Variants in RGS6 observed in about 807,000 individuals in gnomAD.
The protein encoded by RGS6 is regulator of G-protein signaling 6.
In RGS6, 30 loss-of-function variants were observed where a neutral mutation model predicts 78.5. The ratio of observed to expected loss-of-function variants is 0.38; its 90% confidence interval spans 0.29 to 0.52. RGS6 has a LOEUF of 0.52. Among genes scored for constraint, RGS6 ranks in the 20% least tolerant of loss-of-function variants. The pLI is 0.85. For missense variants in RGS6, 495 were observed against 609.7 expected (o/e 0.81, Z 1.98); for synonymous variants, 206 against 206.0 (o/e 1.00, Z 0.00).
chr14:71,886,255 T>C, the RGS6 span, among the ~76,000 whole-genome samples: 6 of 152,220 alleles, frequency 3.9e-5, no homozygotes, highest in Admixed American at 3.3e-4. Flanking sequence ...ATCACACTTA[T>C]CACTGTCTGA....
intron 3 of RGS6, among the ~76,000 whole-genome samples, chr14:72,427,720 TG>T (rs2094485072): frequency 6.6e-6 from 1 of 152,194 alleles, no homozygotes; most frequent in South Asian, 2.1e-4. Flanking sequence ...CCATTATCCT[TG>T]GTGACACCAT....
the RGS6 span, among the ~76,000 whole-genome samples, chr14:71,921,263 A>G: frequency 6.6e-6 from 1 of 152,242 alleles, no homozygotes; most frequent in Non-Finnish European, 1.5e-5. Flanking sequence ...AATGTAAATT[A>G]GTAAAGCCAT....
At chr14:72,550,512 A>G in intron 17 of RGS6, 2 of 1,535,716 alleles carry the variant, frequency 1.3e-6, no homozygotes, top group Admixed American at 2.0e-5. Context: ...ATAGCACATT[A>G]CACTGGGAAA....
At chr14:72,016,870 A>G (rs2087121486) in intron 2 of RGS6, among the ~76,000 whole-genome samples, 1 of 152,248 alleles carries the variant, frequency 6.6e-6, no homozygotes, top group Admixed American at 6.5e-5. Context: ...GATGGTTTAC[A>G]GATAAATCGT....
chr14:71,911,963 A>G, the RGS6 span, among the ~76,000 whole-genome samples: 1 of 152,364 alleles, frequency 6.6e-6, no homozygotes, highest in Non-Finnish European at 1.5e-5. Context: ...CTTACGTCCC[A>G]TATTCACTTT....
At chr14:72,537,400 G>C (rs2097264685) in intron 16 of RGS6, 4 of 692,502 alleles carry the variant, frequency 5.8e-6, no homozygotes, top group Admixed American at 2.0e-5. Context: ...TTTATAACCT[G>C]CTCTCCTGCC....
chr14:72,592,412 A>G, the RGS6 span, among the ~76,000 whole-genome samples: 3 of 152,244 alleles, frequency 2.0e-5, no homozygotes, highest in Non-Finnish European at 2.9e-5. Flanking sequence ...TCCACCTGCA[A>G]TTCCATTAAG....
intron 2 of RGS6, among the ~76,000 whole-genome samples, chr14:72,050,481 A>G (rs1362648981): frequency 6.6e-6 from 1 of 152,258 alleles, no homozygotes; most frequent in Non-Finnish European, 1.5e-5. Context: ...GGAATGGAGT[A>G]CAAGAGCATA....
chr14:72,541,507 T>C, intron 17 of RGS6: 2 of 1,535,710 alleles, frequency 1.3e-6, no homozygotes, highest in Middle Eastern at 1.7e-4. Context: ...GCCTGGTCTA[T>C]CTTCATGGCT....
intron 2 of RGS6, among the ~76,000 whole-genome samples, chr14:72,056,949 G>A (rs2093646739): frequency 6.6e-6 from 1 of 152,124 alleles, no homozygotes; most frequent in Non-Finnish European, 1.5e-5. Flanking sequence ...CATGTTACCT[G>A]TAATAAATGC....
At chr14:72,546,064 T>C (rs2097396565) in intron 17 of RGS6, among the ~76,000 whole-genome samples, 1 of 152,168 alleles carries the variant, frequency 6.6e-6, no homozygotes, top group Non-Finnish European at 1.5e-5. Context: ...CACACTCTGC[T>C]GCTCACCTGC....
Position 72,562,773 on chromosome 14 carries a change from C to T in RGS6, c.*306C>T. On this transcript the variant is annotated 3_prime_UTR_variant, in exon 18 of 18. Transcript: ENST00000553525. ...TGATCCCAGCTCATTCAGGGGAGAA[C>T]ACGTCGTGGGGTTCCTGTCACGACT... The T allele has an allele frequency of 6.6e-7, 1 of 1,524,956 alleles. No homozygotes were observed. The highest frequency in any genetic ancestry group is 1.2e-5 in the South Asian group (1 of 83,830). 94.5% of individuals were successfully genotyped at this position (1,524,956 alleles called of 1,614,324 possible). A position where few individuals can be genotyped will look rare whatever the true frequency, so the allele number is the denominator to read the frequency against.
intron 3 of RGS6, among the ~76,000 whole-genome samples, chr14:72,402,024 A>G (rs1394892892): frequency 6.6e-6 from 1 of 152,232 alleles, no homozygotes; most frequent in Non-Finnish European, 1.5e-5. Flanking sequence ...TCTGGGGGGA[A>G]GGAACCCATA....
intron 2 of RGS6, among the ~76,000 whole-genome samples, chr14:72,281,657 G>A (rs2061608119): frequency 6.6e-6 from 1 of 152,224 alleles, no homozygotes; most frequent in Admixed American, 6.5e-5. Flanking sequence ...AGATATACCT[G>A]AGGAATGGGA....
At chr14:72,449,700 G>A (rs188375851) in intron 3 of RGS6, among the ~76,000 whole-genome samples, 15 of 152,328 alleles carry the variant, frequency 9.8e-5, no homozygotes, top group African/African-American at 3.6e-4. Context: ...GGCACCCTTA[G>A]GCCGGACTCT....
At chr14:72,245,569 C>G (rs2153831690) in intron 2 of RGS6, among the ~76,000 whole-genome samples, 1 of 152,364 alleles carries the variant, frequency 6.6e-6, no homozygotes, top group South Asian at 2.1e-4. Flanking sequence ...GTTTTCCTCC[C>G]TGGGCGGGCC....
At chr14:72,014,784 T>A (rs2086608734) in intron 2 of RGS6, among the ~76,000 whole-genome samples, 1 of 152,134 alleles carries the variant, frequency 6.6e-6, no homozygotes. Flanking sequence ...CCCTGTTTTT[T>A]CTTTGAAAGA....
chr14:72,129,959 C>A (rs1225683238), intron 2 of RGS6, among the ~76,000 whole-genome samples: 1 of 152,118 alleles, frequency 6.6e-6, no homozygotes, highest in Admixed American at 6.5e-5. Context: ...TTAGTACAGA[C>A]CCTACAGGTT....
chr14:72,422,624 C>G (rs1486308353), intron 3 of RGS6, among the ~76,000 whole-genome samples: 2 of 152,144 alleles, frequency 1.3e-5, no homozygotes, highest in African/African-American at 2.4e-5. Context: ...CACCCCTCGT[C>G]CTTGTCCAAG....
Sources: gnomAD v4.1 joint callset for allele counts (sites outside exome capture counted in the v4.1 genomes callset) on GRCh38, gnomAD v4.1.1 for gene constraint, MANE v1.5 for transcripts, NCBI Gene and HGNC (gene_info 2026-07-23, HGNC 2026-07-21) for gene names.